Variants in TNIK observed in about 807,000 individuals in gnomAD.
TNIK encodes the protein TRAF2 and NCK-interacting protein kinase.
In TNIK, 49 loss-of-function variants were observed where a neutral mutation model predicts 191.3. That is an observed-to-expected ratio of 0.26 (90% CI 0.20 to 0.32). The LOEUF is 0.32. Ranked by LOEUF, TNIK falls within the 10% of genes least tolerant of loss-of-function variation. The pLI is 1.00. For missense variants in TNIK, 1,155 were observed against 1,702.3 expected, an observed-to-expected ratio of 0.68 and a Z score of 5.66; for synonymous variants, 594 against 600.9, an observed-to-expected ratio of 0.99 and a Z score of 0.17.
At chr3:171,168,654 C>G (rs977754869) in intron 9 of TNIK, among the ~76,000 whole-genome samples, 1 of 152,116 alleles carries the variant, frequency 6.6e-6, no homozygotes, top group African/African-American at 2.4e-5. Flanking sequence ...ATAAAGGTAG[C>G]CTACTGTGCT....
chr3:171,113,163 G>A (rs1726110945), intron 18 of TNIK, among the ~76,000 whole-genome samples: 1 of 152,116 alleles, frequency 6.6e-6, no homozygotes, highest in Non-Finnish European at 1.5e-5. Context: ...TTTGCCATTT[G>A]TAATTTCTCT....
intron 2 of TNIK, among the ~76,000 whole-genome samples, chr3:171,355,158 C>T (rs1713846183): frequency 2.0e-5 from 3 of 152,108 alleles, no homozygotes; most frequent in Non-Finnish European, 1.5e-5. Context: ...GCCATGGCTC[C>T]GTATTAATCA....
chr3:171,426,894 G>A (rs1724708300), intron 1 of TNIK, among the ~76,000 whole-genome samples: 1 of 152,074 alleles, frequency 6.6e-6, no homozygotes, highest in Non-Finnish European at 1.5e-5. Flanking sequence ...TGCCTACCTG[G>A]ACAAATACCA....
intron 1 of TNIK, among the ~76,000 whole-genome samples, chr3:171,384,546 A>G (rs1385660173): frequency 6.6e-6 from 1 of 152,222 alleles, no homozygotes; most frequent in Non-Finnish European, 1.5e-5. Flanking sequence ...CCCAGCAGAG[A>G]TATGATGAGA....
chr3:171,252,380 A>G (rs1031092686), intron 2 of TNIK, among the ~76,000 whole-genome samples: 4 of 152,226 alleles, frequency 2.6e-5, no homozygotes, highest in African/African-American at 9.6e-5. Flanking sequence ...GCACTTATAT[A>G]GGCAGATGTA....
chr3:171,061,607 A>G lies in TNIK; in HGVS notation c.*2274T>C, dbSNP rs1717840879. 6.6e-6 allele frequency: 1 copy of G among 152,374 alleles called. No homozygotes were observed. Among genetic ancestry groups the G allele is most frequent in the East Asian group, 1.9e-4 (1 of 5,194 alleles). The allele number at this position is 152,374 out of a possible 1,614,324, so 9.4% of individuals were successfully genotyped here. On this transcript the variant is annotated 3_prime_UTR_variant, in exon 33 of 33. Coordinates refer to ENST00000436636, the MANE Select transcript of TNIK (RefSeq NM_015028.4). ...AAACTTATCACTTAGAAATAAAAAC[A>G]AAACAAAACATAAAAACAAAGATCA...
chr3:171,209,469 TAAG>T (rs1740518075), intron 4 of TNIK, among the ~76,000 whole-genome samples: 1 of 152,134 alleles, frequency 6.6e-6, no homozygotes, highest in South Asian at 2.1e-4. Flanking sequence ...TGTTTTTTGT[TAAG>T]AAGACATTTA....
intron 1 of TNIK, among the ~76,000 whole-genome samples, chr3:171,423,226 T>C (rs1438360225): frequency 6.6e-6 from 1 of 152,148 alleles, no homozygotes; most frequent in Non-Finnish European, 1.5e-5. Flanking sequence ...TGAACTCCCA[T>C]TCACAATTGC....
Position 171,228,166 on chromosome 3 carries a change from C to T in TNIK, c.179G>A (p.Gly60Glu). The T allele has an allele frequency of 6.2e-7, 1 of 1,613,530 alleles. No homozygotes were observed. Among genetic ancestry groups the T allele is most frequent in the Non-Finnish European group, 8.5e-7 (1 of 1,179,588 alleles). The change falls in exon 3 of 33, where the codon GGG becomes GAG. Residue 60 changes from glycine to glutamate, a missense_variant and splice_region_variant. By Grantham distance (98) the Gly-to-Glu change is moderately conservative. Coordinates refer to ENST00000436636, the MANE Select transcript of TNIK (RefSeq NM_015028.4). ...AGATGGCAAAATAAAGACACTTACC[C>T]CTGTGACATCCATAACCTTGATGGC... Reference protein sequence around the residue: ...LAAIKVMDVTGDEEEEIKQEI... With the variant: ...LAAIKVMDVTEDEEEEIKQEI...
intron 10 of TNIK, among the ~76,000 whole-genome samples, chr3:171,166,436 T>C (rs539639065): frequency 8.5e-5 from 13 of 152,204 alleles, no homozygotes; most frequent in Non-Finnish European, 1.6e-4. Flanking sequence ...GGGTGCAGCC[T>C]GAGACTCCAA....
intron 2 of TNIK, among the ~76,000 whole-genome samples, chr3:171,369,197 T>C (rs1205196499): frequency 6.6e-6 from 1 of 152,214 alleles, no homozygotes; most frequent in Non-Finnish European, 1.5e-5. Context: ...CTTCCAACAC[T>C]GTTCACTCCA....
At chr3:171,239,588 G>C (rs1463095749) in intron 2 of TNIK, among the ~76,000 whole-genome samples, 1 of 152,210 alleles carries the variant, frequency 6.6e-6, no homozygotes, top group Non-Finnish European at 1.5e-5. Context: ...AGAAGACCCA[G>C]ATCTCCGCAA....
intron 5 of TNIK, among the ~76,000 whole-genome samples, chr3:171,194,245 T>C (rs749808208): frequency 1.2e-4 from 19 of 152,180 alleles, no homozygotes; most frequent in Non-Finnish European, 2.4e-4. Context: ...GGAAACAGCA[T>C]TGAAAATGAA....
chr3:171,067,527 G>A (rs898621894), intron 30 of TNIK, among the ~76,000 whole-genome samples: 2 of 151,932 alleles, frequency 1.3e-5, no homozygotes, highest in East Asian at 1.9e-4. Flanking sequence ...AAAATTAGCC[G>A]GGCATGATGG....
At chr3:171,094,217 C>T (rs1722437416) in intron 22 of TNIK, among the ~76,000 whole-genome samples, 1 of 151,880 alleles carries the variant, frequency 6.6e-6, no homozygotes, top group African/African-American at 2.4e-5. Context: ...TCACTGCAAG[C>T]TCTGCCTCCC....
At chr3:171,192,969 C>G (rs928767453) in intron 5 of TNIK, among the ~76,000 whole-genome samples, 6 of 152,050 alleles carry the variant, frequency 3.9e-5, no homozygotes. Flanking sequence ...TATATTTTTC[C>G]CATTTATATC....
At chr3:171,253,823 C>A (rs190653754) in intron 2 of TNIK, among the ~76,000 whole-genome samples, 1 of 152,276 alleles carries the variant, frequency 6.6e-6, no homozygotes, top group Admixed American at 6.5e-5. Context: ...AAAATTCATT[C>A]TTGAAGGTTG....
In TNIK at chr3:171,250,305, G is replaced by T. The variant is rs187636634; in HGVS notation, c.124-22084C>A. On this transcript the variant is annotated intron_variant, in intron 2 of 32. Transcript: ENST00000436636. ...CCAGTCTTGTTTGCCTGGGAAAATG[G>T]TGTTGATGGATGGACAGCTTCTTTG... Among the ~76,000 whole-genome samples the T allele has an allele frequency of 1.1e-3, 171 of 152,342 alleles. 1 individual carries two copies. The highest frequency in any genetic ancestry group is 0.01 in the Admixed American group (159 of 15,310).
At position 171,068,453 on chromosome 3, in the gene TNIK, A is replaced by G. The variant is rs16855750; in HGVS notation, c.3699+395T>C. On this transcript the variant is annotated intron_variant, in intron 30 of 32. Transcript: ENST00000436636. The stretch of plus-strand genomic sequence containing the variant: ...AGGAACTAAAAATAGCAAAAAAAGA[A>G]TTTTCTCCAATAAATTAGTACCTGA... Among the ~76,000 whole-genome samples the G allele has an allele frequency of 6.0e-3, 907 of 152,304 alleles. 13 individuals carry two copies. The highest frequency in any genetic ancestry group is 0.021 in the African/African-American group (857 of 41,556).
Sources: allele counts gnomAD v4.1 joint callset (sites outside exome capture counted in the v4.1 genomes callset), GRCh38; gene constraint gnomAD v4.1.1; transcripts MANE v1.5; gene names NCBI Gene and HGNC (gene_info 2026-07-23, HGNC 2026-07-21).